PDE11A: variants seen among roughly 807,000 people sequenced by gnomAD.
PDE11A encodes phosphodiesterase 11A.
In PDE11A, 100 loss-of-function variants were observed where a neutral mutation model predicts 100.5. The observed-to-expected ratio is 1.00, with a 90% CI of 0.85 to 1.18. The LOEUF is 1.18. Ranked by LOEUF, PDE11A falls within the 50% of genes most tolerant of loss-of-function variation. The pLI is 0.00. For missense variants in PDE11A, 1,141 were observed against 1,152.6 expected, an observed-to-expected ratio of 0.99 and a Z score of 0.15; for synonymous variants, 381 against 420.8, an observed-to-expected ratio of 0.91 and a Z score of 1.16.
chr2:178,095,829 G>A (rs192259645), intron 2 of PDE11A, among the ~76,000 whole-genome samples: 5 of 152,298 alleles, frequency 3.3e-5, no homozygotes, highest in African/African-American at 1.2e-4. Context: ...CCAGGCTTGG[G>A]GCTTGCACCC....
intron 5 of PDE11A, among the ~76,000 whole-genome samples, chr2:177,845,631 C>T (rs1223780779): frequency 6.6e-6 from 1 of 152,090 alleles, no homozygotes; most frequent in Non-Finnish European, 1.5e-5. Context: ...GACGGGGTGG[C>T]GGCCGGGCAG....
rs914439439 is a variant in PDE11A, at chr2:177,715,471, CT to C, written c.2044-3594del. On this transcript the variant is annotated intron_variant, in intron 12 of 19. Transcript: ENST00000286063. ...AAATTTACTAATCTTTTTTTCTTTT[CT>C]TTTTTTTTTAAAATAATTTTCTCTT... Among the ~76,000 whole-genome samples the C allele has an allele frequency of 4.4e-4, 58 of 132,222 alleles. 1 individual carries two copies. The East Asian group carries it at 8.3e-3, about 19-fold the overall frequency. The allele number at this position is 132,222 out of a possible 152,430, so 86.7% of individuals were successfully genotyped here. A position where few individuals can be genotyped will look rare whatever the true frequency, so the allele number is the denominator to read the frequency against.
At chr2:177,906,234 C>T (rs1367064434) in intron 2 of PDE11A, among the ~76,000 whole-genome samples, 1 of 152,028 alleles carries the variant, frequency 6.6e-6, no homozygotes, top group African/African-American at 2.4e-5. Context: ...AGGTAACAAG[C>T]GCTGGCAAAA....
At chr2:177,828,852 C>T (rs1372181979) in intron 6 of PDE11A, among the ~76,000 whole-genome samples, 1 of 152,110 alleles carries the variant, frequency 6.6e-6, no homozygotes, top group Non-Finnish European at 1.5e-5. Context: ...TAAGGAGACA[C>T]TGAAGAGTGT....
At chr2:177,873,744 T>C (rs997897655) in intron 5 of PDE11A, among the ~76,000 whole-genome samples, 6 of 152,226 alleles carry the variant, frequency 3.9e-5, no homozygotes, top group Non-Finnish European at 7.3e-5. Context: ...GTTTTAAGAA[T>C]GTCCTGTAAA....
chr2:177,847,069 T>G (rs1312000870), intron 5 of PDE11A, among the ~76,000 whole-genome samples: 1 of 152,116 alleles, frequency 6.6e-6, no homozygotes, highest in East Asian at 1.9e-4. Context: ...CCCACCTGTC[T>G]CCAATTCCTT....
chr2:177,794,549 T>C (rs2105541948), intron 9 of PDE11A, among the ~76,000 whole-genome samples: 1 of 152,252 alleles, frequency 6.6e-6, no homozygotes, highest in Admixed American at 6.5e-5. Context: ...TAAGGAGCCA[T>C]TTTCCTCCTT....
At chr2:177,718,997 G>C (rs1384888221) in intron 12 of PDE11A, among the ~76,000 whole-genome samples, 1 of 152,148 alleles carries the variant, frequency 6.6e-6, no homozygotes, top group African/African-American at 2.4e-5. Context: ...GTTACCCTTC[G>C]AGCCAGCAGA....
At chr2:177,904,312 G>T (rs902464980) in intron 3 of PDE11A, among the ~76,000 whole-genome samples, 1 of 152,006 alleles carries the variant, frequency 6.6e-6, no homozygotes, top group African/African-American at 2.4e-5. Context: ...TTGCATTATT[G>T]TTCCAAGTAT....
At chr2:177,709,070 G>A (rs565282787) in intron 13 of PDE11A, among the ~76,000 whole-genome samples, 1 of 152,288 alleles carries the variant, frequency 6.6e-6, no homozygotes, top group South Asian at 2.1e-4. Context: ...GTGCTTCTTG[G>A]AGTCCCTGTG....
intron 10 of PDE11A, among the ~76,000 whole-genome samples, chr2:177,744,723 T>A (rs959860434): frequency 6.6e-6 from 1 of 152,198 alleles, no homozygotes; most frequent in African/African-American, 2.4e-5. Flanking sequence ...CTAGCAATGA[T>A]GATGTTTACC....
intron 15 of PDE11A, among the ~76,000 whole-genome samples, chr2:177,692,542 A>C (rs765100627): frequency 5.9e-5 from 9 of 152,212 alleles, no homozygotes; most frequent in Non-Finnish European, 1.0e-4. Context: ...CCGACTCTCA[A>C]AGCTGGTGAA....
At chr2:177,883,708 G>A (rs1388942668) in intron 4 of PDE11A, among the ~76,000 whole-genome samples, 1 of 152,188 alleles carries the variant, frequency 6.6e-6, no homozygotes, top group East Asian at 1.9e-4. Flanking sequence ...AAAGGGGCAA[G>A]CTATAGAAGT....
chr2:177,710,880 G>C (rs554969326), intron 13 of PDE11A, among the ~76,000 whole-genome samples: 13 of 152,376 alleles, frequency 8.5e-5, no homozygotes, highest in African/African-American at 2.9e-4. Context: ...AGGCTGACTT[G>C]TTCTAGAGGC....
chr2:177,940,468 T>C (rs1256522147), intron 2 of PDE11A, among the ~76,000 whole-genome samples: 1 of 152,222 alleles, frequency 6.6e-6, no homozygotes, highest in African/African-American at 2.4e-5. Flanking sequence ...TATTCCAGCA[T>C]AGCTGAACTA....
intron 12 of PDE11A, among the ~76,000 whole-genome samples, chr2:177,721,206 G>A (rs10173243): frequency 0.95 from 144,270 of 152,222 alleles, 68,501 homozygotes; most frequent in East Asian, 1. Flanking sequence ...AATGAACCCA[G>A]TGCAGTCATT....
At chr2:178,000,039 G>T (rs2086124748) in intron 2 of PDE11A, among the ~76,000 whole-genome samples, 5 of 152,084 alleles carry the variant, frequency 3.3e-5, no homozygotes, top group Admixed American at 3.3e-4. Flanking sequence ...AGAGTATGCA[G>T]AATATGAAAG....
chr2:177,663,730 A>G (rs745576617), intron 19 of PDE11A, 136 bp downstream of exon 19: 24 of 697,886 alleles, frequency 3.4e-5, no homozygotes, highest in Non-Finnish European at 5.5e-5. Context: ...GAAATCCAAG[A>G]AAGACAAACT....
intron 6 of PDE11A, among the ~76,000 whole-genome samples, chr2:177,826,683 A>G (rs191056214): frequency 1.1e-4 from 16 of 152,342 alleles, no homozygotes; most frequent in Admixed American, 1.0e-3. Flanking sequence ...TTGGATTCTT[A>G]GAACTGTGGG....
Sources: gnomAD v4.1 joint callset for allele counts (sites outside exome capture counted in the v4.1 genomes callset) on GRCh38, gnomAD v4.1.1 for gene constraint, MANE v1.5 for transcripts, NCBI Gene and HGNC (gene_info 2026-07-23, HGNC 2026-07-21) for gene names.